The following JAK2 variants were observed in gnomAD, a reference collection of about 807,000 sequenced individuals.
JAK2 encodes the protein Janus kinase 2.
In JAK2, 86 loss-of-function variants were observed where a neutral mutation model predicts 139.3. The observed-to-expected ratio is 0.62, with a 90% confidence interval of 0.52 to 0.74. JAK2 has a LOEUF of 0.74. Ranked by LOEUF, JAK2 falls within the 30% of genes least tolerant of loss-of-function variation. The probability of loss-of-function intolerance (pLI) is 0.00; values close to 1 mark genes in which losing one functional copy is unlikely to be tolerated. For synonymous variants in JAK2, 490 were observed against 437.7 expected, an observed-to-expected ratio of 1.12 and a Z score of -1.49; for missense variants, 1,421 against 1,360.3, an observed-to-expected ratio of 1.04 and a Z score of -0.70.
intron 7 of JAK2, 72 bp from the exon 8 acceptor site, chr9:5,055,597 C>T (rs1156787822): frequency 8.5e-6 from 10 of 1,183,240 alleles, no homozygotes; most frequent in Non-Finnish European, 1.1e-5. Flanking sequence ...AGAATGTTGT[C>T]TTCTTAAGTC....
At position 5,066,711 on chromosome 9, in the gene JAK2, A is replaced by T; in HGVS notation, c.1248A>T (p.Ala416=). The change falls in exon 10 of 25, where the codon GCA becomes GCT. Residue 416 remains alanine, a synonymous_variant. Coordinates refer to ENST00000381652, the MANE Select transcript of JAK2 (RefSeq NM_004972.4). ...MDFAISKLKK[A]GNQTGLYVLR... Reference sequence around the variant, plus strand: ...TTGCCATTAGTAAACTGAAGAAAGCAGGTAATCAGACTGGACTGTATGTAC... The same window carrying T: ...TTGCCATTAGTAAACTGAAGAAAGCTGGTAATCAGACTGGACTGTATGTAC... 9.9e-6 allele frequency: 16 copies of T among 1,609,780 alleles called. No individual in the cohort carries two copies. The highest frequency in any genetic ancestry group is 1.4e-5 in the Non-Finnish European group (16 of 1,177,074).
chr9:5,003,689 T>C (rs1821078388), intron 2 of JAK2, among the ~76,000 whole-genome samples: 1 of 152,092 alleles, frequency 6.6e-6, no homozygotes, highest in African/African-American at 2.4e-5. Flanking sequence ...TCATCATAAC[T>C]TTTATTTAGT....
intron 4 of JAK2, among the ~76,000 whole-genome samples, chr9:5,031,581 CA>C (rs1189445946): frequency 6.6e-6 from 1 of 152,056 alleles, no homozygotes; most frequent in African/African-American, 2.4e-5. Context: ...GATTAAAGAT[CA>C]GATTGATATG....
chr9:5,061,465 A>C (rs1182625665), intron 8 of JAK2, among the ~76,000 whole-genome samples: 2 of 152,204 alleles, frequency 1.3e-5, no homozygotes, highest in African/African-American at 4.8e-5. Flanking sequence ...TTCACCTTGC[A>C]CTTATGCTGT....
At chr9:4,993,848 C>T (rs1436625381) in intron 2 of JAK2, among the ~76,000 whole-genome samples, 1 of 152,190 alleles carries the variant, frequency 6.6e-6, no homozygotes, top group Admixed American at 6.5e-5. Flanking sequence ...GACATTCTCC[C>T]CACGTCTGTG....
intron 5 of JAK2, 65 bp downstream of exon 5, chr9:5,044,585 A>C: frequency 9.8e-7 from 1 of 1,023,806 alleles, no homozygotes; most frequent in South Asian, 1.6e-5. Context: ...TTAATAAGTC[A>C]CTTAATCAGG....
intron 22 of JAK2, chr9:5,111,376 G>A (rs748719253): frequency 2.4e-4 from 96 of 401,842 alleles, no homozygotes; most frequent in Non-Finnish European, 4.0e-4. Context: ...TACGCCAGCA[G>A]CTCTGGCGGA....
intron 22 of JAK2, among the ~76,000 whole-genome samples, chr9:5,102,633 C>A (rs1183419145): frequency 6.6e-6 from 1 of 152,164 alleles, no homozygotes; most frequent in African/African-American, 2.4e-5. Flanking sequence ...ATGTTAAGGG[C>A]AGCCAGAGAG....
At chr9:5,009,925 A>G (rs1821579780) in intron 2 of JAK2, among the ~76,000 whole-genome samples, 1 of 152,086 alleles carries the variant, frequency 6.6e-6, no homozygotes, top group Non-Finnish European at 1.5e-5. Flanking sequence ...TGCACACTAC[A>G]TGCTGGCTAA....
intron 14 of JAK2, 35 bp from the exon 15 acceptor site, chr9:5,077,418 T>G: frequency 1.3e-6 from 1 of 762,034 alleles, no homozygotes; most frequent in Non-Finnish European, 1.9e-6. Context: ...TATTTATACT[T>G]AAGCCTTATT....
rs189627971 is a variant in JAK2 at position 5,069,903 on chromosome 9, T to G, written c.1514-22T>G. On this transcript the variant is annotated intron_variant, in intron 11 of 24. Transcript: ENST00000381652. ...ACTTTCAGTGTATTTTGAAGTGATATATATGTATTTTATTTTTTCAGATAA... is the reference window on the plus strand; with the variant it reads ...ACTTTCAGTGTATTTTGAAGTGATAGATATGTATTTTATTTTTTCAGATAA... 2.0e-6 allele frequency: 3 copies of G among 1,514,962 alleles called. No individual in the cohort carries two copies. The Admixed American group carries it at 5.4e-5, about 27-fold the overall frequency. 93.8% of individuals were successfully genotyped at this position (1,514,962 alleles called of 1,614,324 possible).
At position 4,998,485 on chromosome 9, in the gene JAK2, G is replaced by C. The variant is rs1283679566; in HGVS notation, c.-26+12463G>C. ...TTGGTCAGGCTGGTCTCGAACTCCT[G>C]ACCTCGTGATCCGCCCGCCTTGGCC... On this transcript the variant is annotated intron_variant, in intron 2 of 24. Coordinates refer to ENST00000381652, the MANE Select transcript of JAK2 (RefSeq NM_004972.4). Among the ~76,000 whole-genome samples the C allele has an allele frequency of 3.3e-5, 5 of 152,096 alleles. No homozygotes were observed. The East Asian group carries it at 9.7e-4, about 29-fold the overall frequency.
rs750388462 is a variant in JAK2 at position 5,066,804 on chromosome 9, C to G, written c.1326+15C>G. 19 of 1,189,702 alleles carry G rather than the reference C, an allele frequency of 1.6e-5. No individual in the cohort carries two copies. In the South Asian group the frequency reaches 1.7e-4, roughly 10 times the overall value. The allele number at this position is 1,189,702 out of a possible 1,614,324, so 73.7% of individuals were successfully genotyped here. On this transcript the variant is annotated intron_variant, in intron 10 of 24. Transcript: ENST00000381652. ...TTGCTGTCGAGGTTAGTATGTCACA[C>G]TTATTAGTGGTAACACTTTATTTAG...
At chr9:4,988,120 G>C (rs973137662) in intron 2 of JAK2, among the ~76,000 whole-genome samples, 98 of 152,248 alleles carry the variant, frequency 6.4e-4, no homozygotes, top group African/African-American at 2.3e-3. Context: ...ACTGTGCTAA[G>C]ACCTTTCTTT....
intron 23 of JAK2, chr9:5,126,043 G>C: frequency 4.5e-6 from 1 of 222,138 alleles, no homozygotes; most frequent in Non-Finnish European, 8.7e-6. Flanking sequence ...AAAAATATGA[G>C]TTTTTTAACA....
intron 4 of JAK2, among the ~76,000 whole-genome samples, chr9:5,040,269 G>A (rs1033851014): frequency 6.6e-5 from 10 of 150,554 alleles, no homozygotes; most frequent in African/African-American, 1.7e-4. Flanking sequence ...AATGAAGTAA[G>A]ACAATCTACT....
rs1382682474 is a variant in JAK2 at position 5,114,712 on chromosome 9, G to A, written c.3060-8292G>A. 3 of 386,654 alleles carry A rather than the reference G, an allele frequency of 7.8e-6. No individual in the cohort carries two copies. In the Admixed American group the frequency reaches 9.8e-5, roughly 13 times the overall value. 24.0% of individuals were successfully genotyped at this position (386,654 alleles called of 1,614,324 possible). The stretch of plus-strand genomic sequence containing the variant: ...TGCCTGGAGGTTACCAGGGCTGAAT[G>A]GGAACAGAAAAACGAGTTCATCTGC... On this transcript the variant is annotated intron_variant, in intron 22 of 24. Coordinates refer to ENST00000381652, the MANE Select transcript of JAK2 (RefSeq NM_004972.4).
chr9:4,991,593 T>G (rs1435154681), intron 2 of JAK2, among the ~76,000 whole-genome samples: 8 of 152,082 alleles, frequency 5.3e-5, no homozygotes, highest in Admixed American at 5.2e-4. Flanking sequence ...TCTAGAAAAT[T>G]TAAAAAGGTG....
intron 4 of JAK2, among the ~76,000 whole-genome samples, chr9:5,035,687 A>G (rs1823533490): frequency 6.6e-6 from 1 of 152,226 alleles, no homozygotes; most frequent in African/African-American, 2.4e-5. Flanking sequence ...ACAACCCTTC[A>G]TGCTAAAAAC....
Sources: gnomAD v4.1 joint callset for allele counts (sites outside exome capture counted in the v4.1 genomes callset) on GRCh38, gnomAD v4.1.1 for gene constraint, MANE v1.5 for transcripts, NCBI Gene and HGNC (gene_info 2026-07-23, HGNC 2026-07-21) for gene names.